ELOVL5: variants seen among roughly 807,000 people sequenced by gnomAD.
ELOVL5 encodes the protein very long chain fatty acid elongase 5.
ELOVL5 carries 8 observed loss-of-function variants against 38.6 expected under a neutral mutation model. The ratio of observed to expected loss-of-function variants is 0.21; its 90% CI spans 0.12 to 0.37. The LOEUF is 0.37. Among genes scored for constraint, ELOVL5 ranks in the 10% least tolerant of loss-of-function variants. The pLI, the probability that ELOVL5 is intolerant of heterozygous loss-of-function variation, is 1.00. For synonymous variants in ELOVL5, 127 were observed against 133.7 expected (o/e 0.95, Z 0.34); for missense variants, 280 against 367.8 (o/e 0.76, Z 1.95).
At chr6:53,292,493 T>G (rs1766813621) in intron 2 of ELOVL5, among the ~76,000 whole-genome samples, 1 of 152,130 alleles carries the variant, frequency 6.6e-6, no homozygotes, top group Admixed American at 6.5e-5. Context: ...GGACAATGAT[T>G]TAAAAACAAA....
intron 6 of ELOVL5, 79 bp from the exon 7 acceptor site, chr6:53,270,806 CA>C (rs1290912075): frequency 3.0e-5 from 47 of 1,549,246 alleles, no homozygotes; most frequent in Non-Finnish European, 4.1e-5. Flanking sequence ...TTTTAACCAG[CA>C]TCACCTAAAT....
intron 2 of ELOVL5, among the ~76,000 whole-genome samples, chr6:53,292,882 G>A (rs1025647345): frequency 6.6e-6 from 1 of 152,218 alleles, no homozygotes; most frequent in Admixed American, 6.5e-5. Flanking sequence ...AACAAACTGA[G>A]GAGTAGTAGC....
intron 3 of ELOVL5, among the ~76,000 whole-genome samples, chr6:53,279,968 G>A (rs1295622118): frequency 6.6e-6 from 1 of 152,144 alleles, no homozygotes; most frequent in African/African-American, 2.4e-5. Context: ...TCAAAGCAAA[G>A]GACTGACCCC....
intron 1 of ELOVL5, among the ~76,000 whole-genome samples, chr6:53,337,802 A>G (rs1464223577): frequency 1.3e-5 from 2 of 152,222 alleles, no homozygotes; most frequent in Non-Finnish European, 2.9e-5. Flanking sequence ...AGGATCTGAC[A>G]TGCTATGGAA....
intron 1 of ELOVL5, among the ~76,000 whole-genome samples, chr6:53,338,948 C>A (rs1769203015): frequency 6.6e-6 from 1 of 152,146 alleles, no homozygotes; most frequent in Non-Finnish European, 1.5e-5. Context: ...AGTTATGCAA[C>A]CCCCCAAACG....
intron 3 of ELOVL5, among the ~76,000 whole-genome samples, chr6:53,279,761 T>G (rs1766287281): frequency 6.6e-6 from 1 of 152,338 alleles, no homozygotes; most frequent in Middle Eastern, 3.4e-3. Context: ...AATGGGGTCA[T>G]GGAAATTCTC....
rs185807350 is a variant in ELOVL5, at chr6:53,328,743, A to G, written c.-9+20074T>C. On this transcript the variant is annotated intron_variant, in intron 1 of 7. Transcript: ENST00000304434. ...AGCCTAAATACTGTAATGTATAGAT[A>G]GCAAAGAGAAAGGGATGAATTAAAA... 9.5e-4 allele frequency among the ~76,000 whole-genome samples: 125 copies of G among 131,522 alleles called. 1 individual carries two copies. Among genetic ancestry groups the G allele is most frequent in the African/African-American group, 3.5e-3 (118 of 33,468 alleles). The allele number at this position is 131,522 out of a possible 152,430, so 86.3% of individuals were successfully genotyped here.
intron 1 of ELOVL5, among the ~76,000 whole-genome samples, chr6:53,302,622 TATCAAGATTTTTA>T (rs991102149): frequency 2.0e-5 from 3 of 149,910 alleles, no homozygotes; most frequent in African/African-American, 7.3e-5. Context: ...TTTTAAAAGG[TATCAAGATTTTTA>T]AAAATATACA....
chr6:53,328,990 A>T (rs904988604), intron 1 of ELOVL5, among the ~76,000 whole-genome samples: 5 of 152,240 alleles, frequency 3.3e-5, no homozygotes, highest in Non-Finnish European at 7.3e-5. Context: ...TTTGATAAAA[A>T]GACCAAAACC....
intron 1 of ELOVL5, among the ~76,000 whole-genome samples, chr6:53,330,907 C>T (rs985226829): frequency 2.0e-5 from 3 of 152,282 alleles, no homozygotes; most frequent in Middle Eastern, 3.4e-3. Context: ...TTCCCTTCTA[C>T]ATCTTGTCCC....
intron 1 of ELOVL5, among the ~76,000 whole-genome samples, chr6:53,338,468 G>T (rs1769179251): frequency 6.6e-6 from 1 of 152,166 alleles, no homozygotes; most frequent in African/African-American, 2.4e-5. Context: ...GAGGTCCTGG[G>T]ATAATGTCTT....
chr6:53,348,790 G>A (rs1349225878), intron 1 of ELOVL5, 27 bp downstream of exon 1: 4 of 453,668 alleles, frequency 8.8e-6, no homozygotes, highest in Non-Finnish European at 1.8e-5. Context: ...GGCCCCCGAC[G>A]AAGTTTCCCG....
At position 53,269,231 on chromosome 6, in the gene ELOVL5, G is replaced by A; in HGVS notation, c.796C>T (p.Leu266=). The change falls in exon 8 of 8, where the codon CTG becomes TTG. Residue 266 remains leucine, a synonymous_variant. Coordinates refer to ENST00000304434, the MANE Select transcript of ELOVL5 (RefSeq NM_021814.5). ...ATGGACCCATTCTGGTGGTCCTTCA[G>A]GTGGTCTTTCCTTCGGGAGGCCCCT... ...KKGASRRKDH[L]KDHQNGSMAA... 1.2e-6 allele frequency: 2 copies of A among 1,613,056 alleles called. No homozygotes were observed. The highest frequency in any genetic ancestry group is 1.7e-6 in the Non-Finnish European group (2 of 1,179,402).
intron 5 of ELOVL5, among the ~76,000 whole-genome samples, chr6:53,273,573 C>T (rs1690081727): frequency 6.6e-6 from 1 of 152,206 alleles, no homozygotes; most frequent in African/African-American, 2.4e-5. Flanking sequence ...TCAGCTGTAG[C>T]TGCTAGAGGG....
chr6:53,316,710 G>C (rs1196911612), intron 1 of ELOVL5, among the ~76,000 whole-genome samples: 1 of 151,048 alleles, frequency 6.6e-6, no homozygotes, highest in Non-Finnish European at 1.5e-5. Flanking sequence ...GTGAGGGAGA[G>C]GGGGGAGTCC....
intron 1 of ELOVL5, among the ~76,000 whole-genome samples, chr6:53,334,488 T>C (rs1581994013): frequency 6.6e-6 from 1 of 152,126 alleles, no homozygotes; most frequent in East Asian, 1.9e-4. Flanking sequence ...AGAATTCAAA[T>C]TGCAGCAAAA....
chr6:53,288,684 A>T (rs1289445566), intron 3 of ELOVL5, among the ~76,000 whole-genome samples: 1 of 152,180 alleles, frequency 6.6e-6, no homozygotes, highest in Non-Finnish European at 1.5e-5. Flanking sequence ...CAGTTTTAAA[A>T]CTGGGATTTA....
chr6:53,321,828 C>G (rs1299138948), intron 1 of ELOVL5, among the ~76,000 whole-genome samples: 1 of 152,204 alleles, frequency 6.6e-6, no homozygotes, highest in Non-Finnish European at 1.5e-5. Flanking sequence ...TCGGCTAACA[C>G]TGGTAAGAGA....
intron 3 of ELOVL5, among the ~76,000 whole-genome samples, chr6:53,282,266 C>T (rs1469858221): frequency 6.6e-6 from 1 of 152,254 alleles, no homozygotes; most frequent in Admixed American, 6.5e-5. Flanking sequence ...CCAGCCTACC[C>T]ACTGACGCCT....
Sources: allele counts gnomAD v4.1 joint callset (sites outside exome capture counted in the v4.1 genomes callset), GRCh38; gene constraint gnomAD v4.1.1; transcripts MANE v1.5; gene names NCBI Gene and HGNC (gene_info 2026-07-23, HGNC 2026-07-21).